PCDHA9: variants seen among roughly 807,000 people sequenced by gnomAD.
PCDHA9 encodes protocadherin alpha 9.
Under a neutral mutation model 62.0 loss-of-function variants are expected in PCDHA9, and 62 were observed. The ratio of observed to expected loss-of-function variants is 1.00; its 90% CI spans 0.81 to 1.23. The LOEUF is 1.23. Among genes scored for constraint, PCDHA9 ranks in the 50% most tolerant of loss-of-function variants. The pLI, the probability that PCDHA9 is intolerant of heterozygous loss-of-function variation, is 0.00. For synonymous variants in PCDHA9, 557 were observed against 567.6 expected (o/e 0.98, Z 0.27); for missense variants, 1,205 against 1,249.8 (o/e 0.96, Z 0.54).
chr5:140,868,091 G>T (rs1355947056), intron 1 of PCDHA9: 1 of 151,974 alleles, frequency 6.6e-6, no homozygotes, highest in African/African-American at 2.4e-5. Flanking sequence ...TTTATAAAAT[G>T]ATAATAAAAT....
chr5:140,881,837 A>G (rs1554172601), intron 1 of PCDHA9, among the ~76,000 whole-genome samples: 1 of 152,238 alleles, frequency 6.6e-6, no homozygotes, highest in Admixed American at 6.5e-5. Flanking sequence ...TTCTGCATGG[A>G]ATTCTTACAC....
rs782134920 is a variant in PCDHA9, at chr5:140,869,400, C to A, written c.2394+18511C>A. ...ACCGCGAGGAGCTGTGCGGGCAGAG[C>A]GCGGAGTGCAGCATCCACCTGGAGG... On this transcript the variant is annotated intron_variant, in intron 1 of 3. Coordinates refer to ENST00000532602, the MANE Select transcript of PCDHA9 (RefSeq NM_031857.2). The A allele has an allele frequency of 5.2e-5, 84 of 1,614,026 alleles. 2 individuals carry two copies. The Admixed American group carries it at 7.2e-4, about 14-fold the overall frequency.
intron 1 of PCDHA9, chr5:140,857,355 C>T: frequency 6.3e-7 from 1 of 1,598,292 alleles, no homozygotes. Flanking sequence ...CCGCTGTGGG[C>T]CACGGCCAGC....
At chr5:140,950,080 C>G (rs528804395) in intron 1 of PCDHA9, among the ~76,000 whole-genome samples, 2 of 151,836 alleles carry the variant, frequency 1.3e-5, no homozygotes, top group Admixed American at 1.3e-4. Context: ...ATTGCTTATG[C>G]TATAGTTTTC....
intron 1 of PCDHA9, chr5:140,926,908 G>A: frequency 6.4e-7 from 1 of 1,560,434 alleles, no homozygotes; most frequent in South Asian, 1.2e-5. Context: ...GGGCTGTGGG[G>A]TGGCAGTTTT....
intron 1 of PCDHA9, chr5:140,884,656 G>C (rs782439139): frequency 1.9e-6 from 3 of 1,602,178 alleles, no homozygotes; most frequent in Admixed American, 1.7e-5. Context: ...CAGAATGCTT[G>C]AAAGAGGTAA....
chr5:140,915,488 C>T (rs2077146969), intron 1 of PCDHA9, among the ~76,000 whole-genome samples: 1 of 152,126 alleles, frequency 6.6e-6, no homozygotes, highest in Non-Finnish European at 1.5e-5. Flanking sequence ...GGGCCTCAAT[C>T]CCAATAATAC....
intron 1 of PCDHA9, among the ~76,000 whole-genome samples, chr5:140,897,559 G>A (rs1554187454): frequency 6.6e-6 from 1 of 152,026 alleles, no homozygotes; most frequent in African/African-American, 2.4e-5. Context: ...TGGTGTATAT[G>A]TGCCACATTT....
At chr5:140,869,721 G>A (rs1554163371) in intron 1 of PCDHA9, 2 of 1,613,340 alleles carry the variant, frequency 1.2e-6, no homozygotes, top group Non-Finnish European at 1.7e-6. Flanking sequence ...AGAAAACTCC[G>A]GAACTTAATT....
chr5:141,010,360 C>T lies in PCDHA9; in HGVS notation c.*423C>T, dbSNP rs1436094767. 22 of 1,488,936 alleles carry T rather than the reference C, an allele frequency of 1.5e-5. No individual in the cohort carries two copies. Among genetic ancestry groups the T allele is most frequent in the Non-Finnish European group, 1.9e-5 (21 of 1,118,260 alleles). The allele number at this position is 1,488,936 out of a possible 1,614,324, so 92.2% of individuals were successfully genotyped here. ...GGCCACTGGGTATGTGTGGCTACCG[C>T]GGGTATGCGAGTGCCAGATATTGGC... On this transcript the variant is annotated 3_prime_UTR_variant, in exon 4 of 4. Coordinates refer to ENST00000532602, the MANE Select transcript of PCDHA9 (RefSeq NM_031857.2).
At chr5:140,852,920 C>T (rs1481418801) in intron 1 of PCDHA9, 1 of 758,850 alleles carries the variant, frequency 1.3e-6, no homozygotes, top group African/African-American at 1.9e-5. Context: ...GCTCTGTTGC[C>T]CAGGCTGGAG....
Position 140,924,253 on chromosome 5 carries a change from A to T in PCDHA9, c.2395-54696A>T, listed in dbSNP as rs550218351. ...ATGGGCTGTTTTGCATCCTGGTGAGATCTAATGAGGTCTGTACTTGTGACT... is the reference window on the plus strand; with the variant it reads ...ATGGGCTGTTTTGCATCCTGGTGAGTTCTAATGAGGTCTGTACTTGTGACT... On this transcript the variant is annotated intron_variant, in intron 1 of 3. Coordinates refer to ENST00000532602, the MANE Select transcript of PCDHA9 (RefSeq NM_031857.2). Among the ~76,000 whole-genome samples, 68 of 152,330 alleles carry T rather than the reference A, an allele frequency of 4.5e-4. No homozygotes were observed. In the South Asian group the frequency reaches 0.013, roughly 29 times the overall value.
rs901766941 is a variant in PCDHA9 at position 140,982,266 on chromosome 5, G to A, written c.2454-209G>A. The A allele has an allele frequency of 6.1e-5, 54 of 879,038 alleles. No homozygotes were observed. In the African/African-American group the frequency reaches 7.6e-4, roughly 12 times the overall value. The allele number at this position is 879,038 out of a possible 1,614,324, so 54.5% of individuals were successfully genotyped here. ...TAAAGATAGAACATGTGTGTTCCTG[G>A]AATAGTATAGCAGGCAATAAGTAAG... On this transcript the variant is annotated intron_variant, in intron 2 of 3. Coordinates refer to ENST00000532602, the MANE Select transcript of PCDHA9 (RefSeq NM_031857.2).
intron 1 of PCDHA9, among the ~76,000 whole-genome samples, chr5:140,935,679 T>C (rs2090497566): frequency 6.6e-6 from 1 of 152,190 alleles, no homozygotes; most frequent in South Asian, 2.1e-4. Context: ...GTGAAATATT[T>C]ACATGGCTCC....
At chr5:141,007,448 G>A (rs555583994) in intron 3 of PCDHA9, among the ~76,000 whole-genome samples, 2 of 150,352 alleles carry the variant, frequency 1.3e-5, no homozygotes, top group African/African-American at 4.9e-5. Context: ...TGTGCCTGTA[G>A]TCCCAGCTAC....
In PCDHA9 at chr5:141,010,888, T is replaced by C. The variant is rs1419215366; in HGVS notation, c.*951T>C. The stretch of plus-strand genomic sequence containing the variant: ...AGCTATAAATCTTTAAAGAGAAATA[T>C]GAATACAATTCCCCTAAACTCTCCT... On this transcript the variant is annotated 3_prime_UTR_variant, in exon 4 of 4. Transcript: ENST00000532602. The C allele has an allele frequency of 3.9e-5, 6 of 153,866 alleles. 1 individual carries two copies. The highest frequency in any genetic ancestry group is 1.4e-4 in the African/African-American group (6 of 41,562). The allele number at this position is 153,866 out of a possible 1,614,324, so 9.5% of individuals were successfully genotyped here. A position where few individuals can be genotyped will look rare whatever the true frequency, so the allele number is the denominator to read the frequency against.
At chr5:140,943,789 T>C (rs2093567416) in intron 1 of PCDHA9, among the ~76,000 whole-genome samples, 1 of 152,228 alleles carries the variant, frequency 6.6e-6, no homozygotes, top group African/African-American at 2.4e-5. Flanking sequence ...TGGTCCTTTA[T>C]GCAAAGCAAA....
At chr5:140,863,423 T>A (rs1334887353) in intron 1 of PCDHA9, 2 of 677,498 alleles carry the variant, frequency 3.0e-6, no homozygotes, top group Non-Finnish European at 5.2e-6. Flanking sequence ...TACCGCAGCG[T>A]AGTGGGATCT....
At chr5:140,908,179 C>T (rs1158845408) in intron 1 of PCDHA9, among the ~76,000 whole-genome samples, 1 of 152,194 alleles carries the variant, frequency 6.6e-6, no homozygotes, top group Non-Finnish European at 1.5e-5. Context: ...CAGCTGTCCA[C>T]TTTCAGGTGG....
Sources: allele counts gnomAD v4.1 joint callset (sites outside exome capture counted in the v4.1 genomes callset), GRCh38; gene constraint gnomAD v4.1.1; transcripts MANE v1.5; gene names NCBI Gene and HGNC (gene_info 2026-07-23, HGNC 2026-07-21).